The following CHD5 variants were observed in gnomAD, a reference collection of about 807,000 sequenced individuals.
The protein encoded by CHD5 is ATP-dependent chromatin remodeler CHD5.
In CHD5, 69 loss-of-function variants were observed where a neutral mutation model predicts 230.3. That is an observed-to-expected ratio of 0.30 (90% CI 0.25 to 0.37). The LOEUF (loss-of-function observed/expected upper bound fraction) is 0.37. Ranked by LOEUF, CHD5 falls within the 10% of genes least tolerant of loss-of-function variation. The probability of loss-of-function intolerance (pLI) is 1.00; values close to 1 mark genes in which losing one functional copy is unlikely to be tolerated. For synonymous variants in CHD5, 1,064 were observed against 1,065.9 expected, an observed-to-expected ratio of 1.00 and a Z score of 0.03; for missense variants, 1,827 against 2,622.8, an observed-to-expected ratio of 0.70 and a Z score of 6.63.
At position 6,154,987 on chromosome 1, in the gene CHD5, A is replaced by G. The variant is rs12034457; in HGVS notation, c.507-89T>C. On this transcript the variant is annotated intron_variant, in intron 4 of 41. Coordinates refer to ENST00000262450, the MANE Select transcript of CHD5 (RefSeq NM_015557.3). The surrounding 1 kb of genome is among the most constrained non-coding windows in gnomAD (Gnocchi z 7.0). ...CCGGCAGGGCCCACCCCTCTGCCAC[A>G]TGTGCGATCTATGGCAGCAGCCCCA... The G allele has an allele frequency of 0.11, 122,764 of 1,166,560 alleles. 9,223 individuals are homozygous for G. The highest frequency in any genetic ancestry group is 0.33 in the East Asian group (13,572 of 41,188). The allele number at this position is 1,166,560 out of a possible 1,614,324, so 72.3% of individuals were successfully genotyped here. A position where few individuals can be genotyped will look rare whatever the true frequency, so the allele number is the denominator to read the frequency against.
chr1:6,114,001 G>C (rs1412914061), intron 33 of CHD5, among the ~76,000 whole-genome samples: 1 of 152,190 alleles, frequency 6.6e-6, no homozygotes, highest in African/African-American at 2.4e-5. Context: ...TGTAATCCTA[G>C]CACTTTGGGA....
In CHD5 at chr1:6,148,978, C is replaced by T; in HGVS notation, c.1259G>A (p.Arg420His). 1.2e-6 allele frequency: 2 copies of T among 1,608,202 alleles called. No homozygotes were observed. The highest frequency in any genetic ancestry group is 1.7e-6 in the Non-Finnish European group (2 of 1,177,678). The change falls in exon 9 of 42, where the codon CGC (arginine) becomes CAC (histidine). Residue 420 changes from arginine to histidine, a missense_variant. Around this residue, in one of 14 missense-constraint regions of CHD5, gnomAD observed 657 missense variants for 816.4 expected, o/e 0.80. Transcript: ENST00000262450. ...CAGCTCGCCCCCGTCCTTGCACACGCGGCAGAACTCCATGTGGTCGTCCTC... is the reference window on the plus strand; with the variant it reads ...CAGCTCGCCCCCGTCCTTGCACACGTGGCAGAACTCCATGTGGTCGTCCTC... ...EEEDDHMEFCRVCKDGGELLC... is the reference protein window; with the variant it reads ...EEEDDHMEFCHVCKDGGELLC...
At chr1:6,112,708 G>C (rs1372048910) in intron 34 of CHD5, among the ~76,000 whole-genome samples, 1 of 152,216 alleles carries the variant, frequency 6.6e-6, no homozygotes, top group African/African-American at 2.4e-5. Flanking sequence ...GGCACAGCAG[G>C]GCTCAGGAGA....
chr1:6,131,732 T>C lies in CHD5; in HGVS notation c.3161A>G (p.Asp1054Gly). The C allele has an allele frequency of 6.2e-7, 1 of 1,611,522 alleles. No homozygotes were observed. Among genetic ancestry groups the C allele is most frequent in the Non-Finnish European group, 8.5e-7 (1 of 1,177,868 alleles). ...GTACTCCAGGAAGTCCTCCAGGAGG[T>C]CCAGCATCTTGGTCATCTGCAGGGG... ...LIFSQMTKML[D>G]LLEDFLEYEG... The change falls in exon 21 of 42, where the codon GAC (aspartate) becomes GGC (glycine). Residue 1054 changes from aspartate (D) to glycine (G), a missense_variant. Around this residue, in one of 14 missense-constraint regions of CHD5, gnomAD observed 81 missense variants for 245.4 expected, o/e 0.33. Coordinates refer to ENST00000262450, the MANE Select transcript of CHD5 (RefSeq NM_015557.3). The surrounding 1 kb of genome is among the most constrained non-coding windows in gnomAD (Gnocchi z 5.0).
intron 20 of CHD5, among the ~76,000 whole-genome samples, chr1:6,133,330 G>T (rs1571150864): frequency 6.6e-6 from 1 of 152,222 alleles, no homozygotes; most frequent in Non-Finnish European, 1.5e-5. Context: ...CTCAGCCCCT[G>T]GTCTCAAACT....
intron 9 of CHD5, among the ~76,000 whole-genome samples, chr1:6,147,959 C>A (rs1024714791): frequency 6.6e-6 from 1 of 152,050 alleles, no homozygotes; most frequent in African/African-American, 2.4e-5. Flanking sequence ...CATCCCAGCC[C>A]CTCAGGGAAG....
intron 33 of CHD5, among the ~76,000 whole-genome samples, chr1:6,120,851 C>T (rs534369969): frequency 1.3e-5 from 2 of 152,012 alleles, no homozygotes; most frequent in Admixed American, 6.6e-5. Context: ...TGCAGTGATC[C>T]GAGATGGTAC....
Position 6,104,832 on chromosome 1 carries a change from C to T in CHD5, c.*642G>A, listed in dbSNP as rs1459667024. 1 of 152,972 alleles carries T rather than the reference C, an allele frequency of 6.5e-6. No homozygotes were observed. Among genetic ancestry groups the T allele is most frequent in the Non-Finnish European group, 1.5e-5 (1 of 68,588 alleles). 9.5% of individuals were successfully genotyped at this position (152,972 alleles called of 1,614,324 possible). A position where few individuals can be genotyped will look rare whatever the true frequency, so the allele number is the denominator to read the frequency against. On this transcript the variant is annotated 3_prime_UTR_variant, in exon 42 of 42. Transcript: ENST00000262450. ...GGCAGGAAGGAGGGGAAATGTCAGC[C>T]AGGGTCTCACCATAGGGCTGGACAG... is the stretch of plus-strand genomic sequence containing the variant.
Position 6,155,516 on chromosome 1 carries a change from G to A in CHD5, c.506+83C>T. ...AGCCCACCCCTACCCCAGGTGCCGGGGCTTCACTCCTCTGCCTCCCTCCCG... is the reference window on the plus strand; with the variant it reads ...AGCCCACCCCTACCCCAGGTGCCGGAGCTTCACTCCTCTGCCTCCCTCCCG... On this transcript the variant is annotated intron_variant, in intron 4 of 41. Transcript: ENST00000262450. The surrounding 1 kb of genome is among the most constrained non-coding windows in gnomAD (Gnocchi z 4.0). The A allele has an allele frequency of 8.2e-7, 1 of 1,224,988 alleles. No individual in the cohort carries two copies. The highest frequency in any genetic ancestry group is 1.2e-6 in the Non-Finnish European group (1 of 834,334). The allele number at this position is 1,224,988 out of a possible 1,614,324, so 75.9% of individuals were successfully genotyped here.
chr1:6,125,117 C>G lies in CHD5; in HGVS notation c.4377G>C (p.Lys1459Asn). Residue 1459 changes from lysine to asparagine, a missense_variant, in exon 29 of 42, where the codon AAG (lysine) becomes AAC (asparagine). Lys to Asn is a moderately conservative substitution (Grantham distance 94). Coordinates refer to ENST00000262450, the MANE Select transcript of CHD5 (RefSeq NM_015557.3). The surrounding 1 kb of genome is among the most constrained non-coding windows in gnomAD (Gnocchi z 6.7). ...CCCTTTACCTAAACTCCTTCTCGCT[C>G]TTCCCTCGAAGGTCCCGCACCAGCC... ...SHWLVRDLRG[K>N]SEKEFRAYVS... 1 of 1,596,392 alleles carries G rather than the reference C, an allele frequency of 6.3e-7. No individual in the cohort carries two copies. Among genetic ancestry groups the G allele is most frequent in the Non-Finnish European group, 8.5e-7 (1 of 1,171,564 alleles).
In CHD5 at chr1:6,149,080, G is replaced by C; in HGVS notation, c.1162-5C>G. 2 of 1,512,448 alleles carry C rather than the reference G, an allele frequency of 1.3e-6. No homozygotes were observed. Among genetic ancestry groups the C allele is most frequent in the Non-Finnish European group, 1.8e-6 (2 of 1,128,330 alleles). The allele number at this position is 1,512,448 out of a possible 1,614,324, so 93.7% of individuals were successfully genotyped here. On this transcript the variant is annotated splice_polypyrimidine_tract_variant and splice_region_variant and intron_variant, in intron 8 of 41. Coordinates refer to ENST00000262450, the MANE Select transcript of CHD5 (RefSeq NM_015557.3). The stretch of plus-strand genomic sequence containing the variant: ...CCACTGGATCCCCTCCTTCTCCTGG[G>C]GGAGGAGGCCAGGTGGAGGCACCCT...
Position 6,131,776 on chromosome 1 carries a change from C to T in CHD5, c.3145-28G>A. 6.6e-7 allele frequency: 1 copy of T among 1,514,406 alleles called. No individual in the cohort carries two copies. The highest frequency in any genetic ancestry group is 1.7e-5 in the Admixed American group (1 of 59,554). 93.8% of individuals were successfully genotyped at this position (1,514,406 alleles called of 1,614,324 possible). ...GCAGGGGAGACGGGCACGTGAGGAA[C>T]TGCCAAGGAGCAAGGGGCCCCATGG... On this transcript the variant is annotated intron_variant, in intron 20 of 41. Coordinates refer to ENST00000262450, the MANE Select transcript of CHD5 (RefSeq NM_015557.3). This position sits in a 1 kb window ranked among gnomAD's most constrained non-coding sequence, Gnocchi z 5.0.
intron 1 of CHD5, among the ~76,000 whole-genome samples, chr1:6,168,951 G>A (rs1667294779): frequency 6.6e-6 from 1 of 151,874 alleles, no homozygotes; most frequent in African/African-American, 2.4e-5. Flanking sequence ...CCCAGGAGGT[G>A]GAGGTTGCAG....
chr1:6,141,942 CTT>C (rs2100856813), intron 15 of CHD5, among the ~76,000 whole-genome samples, 184 bp downstream of exon 15: 1 of 152,312 alleles, frequency 6.6e-6, no homozygotes, highest in South Asian at 2.1e-4. Flanking sequence ...ATTTGTGACA[CTT>C]TGTTACAGGA....
In CHD5 at chr1:6,112,007, G is replaced by A. The variant is rs1008779648; in HGVS notation, c.5141-124C>T. 5.0e-6 allele frequency: 7 copies of A among 1,390,232 alleles called. No individual in the cohort carries two copies. The African/African-American group carries it at 9.9e-5, about 20-fold the overall frequency. The allele number at this position is 1,390,232 out of a possible 1,614,324, so 86.1% of individuals were successfully genotyped here. On this transcript the variant is annotated intron_variant, in intron 35 of 41. Coordinates refer to ENST00000262450, the MANE Select transcript of CHD5 (RefSeq NM_015557.3). The stretch of plus-strand genomic sequence containing the variant: ...ACCCCCAGAGGTCCAGTGTTCCAGG[G>A]TGGCTAAGAAAGGTTATACGATGGA...
intron 15 of CHD5, among the ~76,000 whole-genome samples, chr1:6,139,161 G>C (rs2100854497): frequency 6.6e-6 from 1 of 152,326 alleles, no homozygotes; most frequent in Non-Finnish European, 1.5e-5. Flanking sequence ...AAGATGAAAA[G>C]AGTTCTGCAG....
At chr1:6,112,856 G>T in intron 34 of CHD5, 53 bp downstream of exon 34, 4 of 1,356,230 alleles carry the variant, frequency 2.9e-6, no homozygotes, top group South Asian at 1.2e-5. Context: ...GGTCCAGAGG[G>T]CACCCTCAAG....
At chr1:6,151,325 G>A (rs539505179) in intron 6 of CHD5, among the ~76,000 whole-genome samples, 170 bp from the exon 7 acceptor site, 1 of 152,166 alleles carries the variant, frequency 6.6e-6, no homozygotes, top group Admixed American at 6.5e-5. Flanking sequence ...CAGCCTGCCT[G>A]TCCAGCCTGA....
At chr1:6,120,451 T>G (rs1269581433) in intron 33 of CHD5, among the ~76,000 whole-genome samples, 7 of 149,844 alleles carry the variant, frequency 4.7e-5, no homozygotes, top group African/African-American at 1.5e-4. Context: ...GGTGGATCAC[T>G]TGAGGTCAGG....
Sources: allele counts gnomAD v4.1 joint callset (sites outside exome capture counted in the v4.1 genomes callset), GRCh38; gene constraint gnomAD v4.1.1; regional missense constraint gnomAD v4.1.1; non-coding constraint Gnocchi (gnomAD v3.1); transcripts MANE v1.5; gene names NCBI Gene and HGNC (gene_info 2026-07-23, HGNC 2026-07-21).